Variants in CTNNA2 observed in about 807,000 individuals in gnomAD.
CTNNA2 encodes the protein catenin alpha 2, also known as catenin alpha-2.
In CTNNA2, 42 loss-of-function variants were observed where a neutral mutation model predicts 101.0. That is an observed-to-expected ratio of 0.42 (90% CI 0.32 to 0.54). The LOEUF is 0.54. Ranked by LOEUF, CTNNA2 falls within the 20% of genes least tolerant of loss-of-function variation. CTNNA2 has a pLI of 0.14. For synonymous variants in CTNNA2, 450 were observed against 456.4 expected, an observed-to-expected ratio of 0.99 and a Z score of 0.18; for missense variants, 871 against 1,223.1, an observed-to-expected ratio of 0.71 and a Z score of 4.29.
intron 3 of CTNNA2, among the ~76,000 whole-genome samples, chr2:79,842,419 C>T (rs1174444518): frequency 1.3e-5 from 2 of 152,152 alleles, no homozygotes; most frequent in Non-Finnish European, 2.9e-5. Context: ...AGAACAGTAT[C>T]TGGAACAAGG....
chr2:79,821,980 T>G (rs2105382837), intron 3 of CTNNA2, among the ~76,000 whole-genome samples: 1 of 152,338 alleles, frequency 6.6e-6, no homozygotes, highest in South Asian at 2.1e-4. Context: ...TGTATTTTAC[T>G]TTTTTCACTA....
At chr2:79,285,168 C>A (rs1480119385) in intron 2 of CTNNA2, among the ~76,000 whole-genome samples, 1 of 151,646 alleles carries the variant, frequency 6.6e-6, no homozygotes. Flanking sequence ...GTCTTGCTAG[C>A]GGTCTATCAA....
chr2:80,590,197 A>G (rs1696342672), intron 15 of CTNNA2, among the ~76,000 whole-genome samples: 1 of 152,198 alleles, frequency 6.6e-6, no homozygotes, highest in South Asian at 2.1e-4. Context: ...AGAAGATGAT[A>G]TCTCTGCCCT....
intron 6 of CTNNA2, among the ~76,000 whole-genome samples, chr2:79,893,985 G>A (rs544873667): frequency 2.7e-5 from 4 of 148,848 alleles, no homozygotes; most frequent in South Asian, 2.2e-4. Context: ...TCAAGCTTAG[G>A]CTGTTTTCTT....
intron 2 of CTNNA2, among the ~76,000 whole-genome samples, chr2:79,686,700 T>C (rs2104674208): frequency 6.6e-6 from 1 of 152,258 alleles, no homozygotes; most frequent in South Asian, 2.1e-4. Flanking sequence ...GTGTATATTA[T>C]GGTAACATCT....
chr2:80,603,970 G>A, intron 15 of CTNNA2, 104 bp from the exon 16 acceptor site: 1 of 909,026 alleles, frequency 1.1e-6, no homozygotes, highest in African/African-American at 1.7e-5. Flanking sequence ...TGTGGCCAGT[G>A]CCAAATAAAA....
chr2:80,375,055 G>A (rs1175553994), intron 7 of CTNNA2, among the ~76,000 whole-genome samples: 1 of 152,114 alleles, frequency 6.6e-6, no homozygotes, highest in Non-Finnish European at 1.5e-5. Flanking sequence ...CACCCCAGGC[G>A]AGCACAGATG....
intron 9 of CTNNA2, among the ~76,000 whole-genome samples, chr2:80,463,555 T>A (rs1316218493): frequency 6.6e-6 from 1 of 152,212 alleles, no homozygotes; most frequent in Non-Finnish European, 1.5e-5. Context: ...GGAGTTTTCA[T>A]GTTCAGGCTG....
intron 7 of CTNNA2, among the ~76,000 whole-genome samples, chr2:80,247,354 C>T (rs1044847704): frequency 6.6e-6 from 1 of 152,084 alleles, no homozygotes; most frequent in African/African-American, 2.4e-5. Context: ...CCTCTCTTTC[C>T]TGGCCTATGA....
At chr2:80,055,183 T>C (rs1262242021) in intron 7 of CTNNA2, among the ~76,000 whole-genome samples, 1 of 152,016 alleles carries the variant, frequency 6.6e-6, no homozygotes, top group Non-Finnish European at 1.5e-5. Context: ...CACACCACCA[T>C]GCTCAGCTCA....
intron 7 of CTNNA2, among the ~76,000 whole-genome samples, chr2:80,273,417 T>G (rs185654514): frequency 1.5e-4 from 23 of 152,280 alleles, no homozygotes; most frequent in Admixed American, 9.2e-4. Flanking sequence ...CGTAGTAGCC[T>G]CAGTCTCTCT....
intron 5 of CTNNA2, among the ~76,000 whole-genome samples, chr2:79,871,552 T>C (rs975153699): frequency 1.3e-5 from 2 of 152,050 alleles, no homozygotes; most frequent in African/African-American, 4.8e-5. Context: ...GAGAATGAAT[T>C]CACCCTTCCT....
intron 3 of CTNNA2, among the ~76,000 whole-genome samples, chr2:79,322,398 A>G (rs566179490): frequency 6.6e-5 from 10 of 152,342 alleles, no homozygotes; most frequent in African/African-American, 1.9e-4. Context: ...ATCCGTATAT[A>G]TATGCTATTA....
chr2:80,431,370 TGG>T (rs1314308775), intron 9 of CTNNA2, among the ~76,000 whole-genome samples: 1 of 152,182 alleles, frequency 6.6e-6, no homozygotes, highest in Non-Finnish European at 1.5e-5. Flanking sequence ...GCTGTGTGTG[TGG>T]ACAGATCACT....
intron 3 of CTNNA2, among the ~76,000 whole-genome samples, chr2:79,750,598 T>TG (rs1246910219): frequency 6.6e-6 from 1 of 152,160 alleles, no homozygotes; most frequent in Non-Finnish European, 1.5e-5. Flanking sequence ...CGTGGCGACT[T>TG]GCGCCTATAA....
chr2:80,188,343 C>A (rs1706263818), intron 7 of CTNNA2, among the ~76,000 whole-genome samples: 1 of 152,194 alleles, frequency 6.6e-6, no homozygotes, highest in South Asian at 2.1e-4. Flanking sequence ...GCAAATTCCT[C>A]TGCCCATTTT....
intron 7 of CTNNA2, among the ~76,000 whole-genome samples, chr2:80,189,524 A>G (rs923514161): frequency 2.0e-5 from 3 of 152,222 alleles, no homozygotes. Flanking sequence ...TTTGCCCTCC[A>G]CAGGACAGTA....
intron 2 of CTNNA2, among the ~76,000 whole-genome samples, chr2:79,658,376 T>C (rs2104512777): frequency 1.3e-5 from 2 of 152,156 alleles, no homozygotes; most frequent in East Asian, 3.9e-4. Flanking sequence ...TGCCTAATGG[T>C]ATGCTTACAG....
chr2:79,928,057 T>C (rs1687148051), intron 7 of CTNNA2, among the ~76,000 whole-genome samples: 1 of 152,334 alleles, frequency 6.6e-6, no homozygotes, highest in East Asian at 1.9e-4. Context: ...ACGTTGGGTT[T>C]GTTGAATCTT....
Sources: gnomAD v4.1 joint callset for allele counts (sites outside exome capture counted in the v4.1 genomes callset) on GRCh38, gnomAD v4.1.1 for gene constraint, MANE v1.5 for transcripts, NCBI Gene and HGNC (gene_info 2026-07-23, HGNC 2026-07-21) for gene names.